Variants in HBS1L observed in about 807,000 individuals in gnomAD.
The protein encoded by HBS1L is HBS1-like protein.
Under a neutral mutation model 88.9 loss-of-function variants are expected in HBS1L, and 55 were observed. The observed-to-expected ratio is 0.62, with a 90% CI of 0.50 to 0.77. The LOEUF (loss-of-function observed/expected upper bound fraction) is 0.77. HBS1L is among the 30% of genes least tolerant of loss of function. HBS1L has a pLI of 0.00. For synonymous variants in HBS1L, 267 were observed against 288.5 expected, an observed-to-expected ratio of 0.93 and a Z score of 0.76; for missense variants, 741 against 829.3, an observed-to-expected ratio of 0.89 and a Z score of 1.31.
rs375612297 is a variant in HBS1L, at chr6:134,993,819, G to T, written c.1022C>A (p.Thr341Lys). The change falls in exon 8 of 18, where the codon ACA becomes AAA. Residue 341 changes from threonine (T) to lysine (K), a missense_variant. This residue lies in a region of HBS1L where 556 missense variants were observed against 598.4 expected (regional missense o/e 0.93). Coordinates refer to ENST00000367837, the MANE Select transcript of HBS1L (RefSeq NM_006620.4). Reference sequence around the variant, plus strand: ...CTTATGGCCTGGAGCATCCATTAATGTAATAACTTTGGTTGTGGTTTCAAA... The same window carrying T: ...CTTATGGCCTGGAGCATCCATTAATTTAATAACTTTGGTTGTGGTTTCAAA... ...TKFETTTKVI[T>K]LMDAPGHKDF... is the part of the protein sequence containing the mutation. 11 of 1,607,022 alleles carry T rather than the reference G, an allele frequency of 6.8e-6. No individual in the cohort carries two copies. Among genetic ancestry groups the T allele is most frequent in the African/African-American group, 5.3e-5 (4 of 74,822 alleles).
chr6:134,971,381 CA>C (rs1045743172), intron 15 of HBS1L, among the ~76,000 whole-genome samples: 1 of 152,172 alleles, frequency 6.6e-6, no homozygotes, highest in African/African-American at 2.4e-5. Flanking sequence ...CTGAGGTAAA[CA>C]AGCAGGATTC....
chr6:134,989,147 A>G (rs908143592), intron 8 of HBS1L, among the ~76,000 whole-genome samples: 3 of 152,216 alleles, frequency 2.0e-5, no homozygotes, highest in Non-Finnish European at 4.4e-5. Context: ...CGTCATGTGG[A>G]TGCAGCCTTT....
intron 4 of HBS1L, among the ~76,000 whole-genome samples, chr6:135,022,638 T>C (rs999530392): frequency 6.6e-6 from 1 of 152,090 alleles, no homozygotes; most frequent in African/African-American, 2.4e-5. Flanking sequence ...ATTCTCCTAA[T>C]TGTCTAAATA....
At chr6:135,044,994 C>T (rs6940258) in intron 2 of HBS1L, among the ~76,000 whole-genome samples, 54,236 of 151,844 alleles carry the variant, frequency 0.36, 9,826 homozygotes, top group Non-Finnish European at 0.37. Context: ...CAACACATAA[C>T]TCCAACTCAA....
chr6:134,997,203 C>T (rs1156616070), intron 6 of HBS1L, among the ~76,000 whole-genome samples, 194 bp downstream of exon 6: 4 of 152,112 alleles, frequency 2.6e-5, no homozygotes, highest in Non-Finnish European at 4.4e-5. Context: ...AAAAATCCCA[C>T]AATCAAGTGT....
intron 4 of HBS1L, among the ~76,000 whole-genome samples, chr6:135,023,734 A>T (rs1776141304): frequency 6.6e-6 from 1 of 152,172 alleles, no homozygotes; most frequent in Non-Finnish European, 1.5e-5. Context: ...TACAAAGCAC[A>T]CCTTGTCAAA....
rs542324550 is a variant in HBS1L at position 135,038,471 on chromosome 6, C to T, written c.430+1102G>A. Among the ~76,000 whole-genome samples, 9 of 152,302 alleles carry T rather than the reference C, an allele frequency of 5.9e-5. No individual in the cohort carries two copies. The South Asian group carries it at 1.2e-3, about 21-fold the overall frequency. On this transcript the variant is annotated intron_variant, in intron 4 of 17. Coordinates refer to ENST00000367837, the MANE Select transcript of HBS1L (RefSeq NM_006620.4). The stretch of plus-strand genomic sequence containing the variant: ...GTAATTTCTACCACAATCTGGGATA[C>T]ACTATCAATACAAGATGACATATTA...
intron 4 of HBS1L, among the ~76,000 whole-genome samples, chr6:135,008,844 C>A (rs552431577): frequency 6.6e-6 from 1 of 152,156 alleles, no homozygotes; most frequent in South Asian, 2.1e-4. Flanking sequence ...TCACGCAGTC[C>A]ACAGTACATG....
At chr6:135,023,904 A>T (rs1776145053) in intron 4 of HBS1L, among the ~76,000 whole-genome samples, 1 of 152,256 alleles carries the variant, frequency 6.6e-6, no homozygotes, top group Admixed American at 6.5e-5. Context: ...AATTTAAATT[A>T]TACATGATAC....
rs1420221960 is a variant in HBS1L at position 134,961,703 on chromosome 6, C to A, written c.*3576G>T. On this transcript the variant is annotated 3_prime_UTR_variant, in exon 18 of 18. Coordinates refer to ENST00000367837, the MANE Select transcript of HBS1L (RefSeq NM_006620.4). The stretch of plus-strand genomic sequence containing the variant: ...TGACAGCACTCAATCCAGAAGAAAC[C>A]CTTGCTCACTTGAGCCCTCCTTAAA... The A allele has an allele frequency of 1.3e-5, 2 of 152,124 alleles. No homozygotes were observed. The highest frequency in any genetic ancestry group is 2.9e-5 in the Non-Finnish European group (2 of 68,026). 9.4% of individuals were successfully genotyped at this position (152,124 alleles called of 1,614,324 possible).
At chr6:135,022,494 A>G (rs984426547) in intron 4 of HBS1L, among the ~76,000 whole-genome samples, 2 of 152,192 alleles carry the variant, frequency 1.3e-5, no homozygotes, top group African/African-American at 2.4e-5. Flanking sequence ...GTGTACATAC[A>G]AAGAGAATCT....
intron 4 of HBS1L, among the ~76,000 whole-genome samples, chr6:135,021,317 G>T (rs1776064599): frequency 6.6e-6 from 1 of 151,808 alleles, no homozygotes; most frequent in African/African-American, 2.4e-5. Context: ...TCTTAAATTG[G>T]TTCTCAATAA....
chr6:135,025,420 A>T (rs1163948824), intron 4 of HBS1L, among the ~76,000 whole-genome samples: 1 of 152,226 alleles, frequency 6.6e-6, no homozygotes, highest in Non-Finnish European at 1.5e-5. Flanking sequence ...GAATCTCAGA[A>T]CCCATCCACA....
Position 134,983,994 on chromosome 6 carries a change from A to C in HBS1L, c.1492+1347T>G, listed in dbSNP as rs935935060. On this transcript the variant is annotated intron_variant, in intron 12 of 17. Coordinates refer to ENST00000367837, the MANE Select transcript of HBS1L (RefSeq NM_006620.4). Reference sequence around the variant, plus strand: ...CCAAATTCAAGTAAGATAGAATTGAAAGTGTATATTGACTTTGGCAACCAA... The same window carrying C: ...CCAAATTCAAGTAAGATAGAATTGACAGTGTATATTGACTTTGGCAACCAA... Among the ~76,000 whole-genome samples, 5 of 152,156 alleles carry C rather than the reference A, an allele frequency of 3.3e-5. No homozygotes were observed. In the East Asian group the frequency reaches 5.8e-4, roughly 18 times the overall value.
At chr6:135,008,885 A>G (rs1212680958) in intron 4 of HBS1L, among the ~76,000 whole-genome samples, 1 of 152,152 alleles carries the variant, frequency 6.6e-6, no homozygotes, top group Non-Finnish European at 1.5e-5. Context: ...TAAGCCACCA[A>G]TAAATACAGT....
chr6:135,034,846 C>A (rs545302035), intron 4 of HBS1L, among the ~76,000 whole-genome samples: 1 of 152,198 alleles, frequency 6.6e-6, no homozygotes, highest in African/African-American at 2.4e-5. Context: ...CTGATTCCTC[C>A]CTTTAAGGCA....
intron 15 of HBS1L, among the ~76,000 whole-genome samples, chr6:134,972,280 G>A (rs538344161): frequency 1.3e-5 from 2 of 152,088 alleles, no homozygotes; most frequent in Non-Finnish European, 2.9e-5. Flanking sequence ...TAGATAACCT[G>A]TATTTTTAAA....
chr6:135,045,838 C>CAAA (rs34794900), intron 2 of HBS1L, among the ~76,000 whole-genome samples: 1 of 143,052 alleles, frequency 7.0e-6, no homozygotes, highest in Admixed American at 6.9e-5. Context: ...GACTCCGTCT[C>CAAA]AAAAAAAAAA....
At chr6:134,984,963 A>G (rs542472599) in intron 12 of HBS1L, among the ~76,000 whole-genome samples, 30 of 152,300 alleles carry the variant, frequency 2.0e-4, no homozygotes, top group African/African-American at 6.0e-4. Flanking sequence ...ACAACAGGGA[A>G]GCACGGGTAG....
Sources: gnomAD v4.1 joint callset for allele counts (sites outside exome capture counted in the v4.1 genomes callset) on GRCh38, gnomAD v4.1.1 for gene constraint, gnomAD v4.1.1 regional missense constraint, MANE v1.5 for transcripts, NCBI Gene and HGNC (gene_info 2026-07-23, HGNC 2026-07-21) for gene names.